The following FZD3 variants were observed in gnomAD, a reference collection of about 807,000 sequenced individuals.
FZD3 encodes the protein frizzled class receptor 3.
A neutral mutation model predicts 60.7 loss-of-function variants in FZD3; 30 were observed. The observed-to-expected ratio is 0.49, with a 90% CI of 0.37 to 0.67. The LOEUF (loss-of-function observed/expected upper bound fraction) is 0.67. Among genes scored for constraint, FZD3 ranks in the 30% least tolerant of loss-of-function variants. FZD3 has a pLI of 0.00. For synonymous variants in FZD3, 246 were observed against 275.2 expected, an observed-to-expected ratio of 0.89 and a Z score of 1.05; for missense variants, 605 against 838.7, an observed-to-expected ratio of 0.72 and a Z score of 3.44.
At position 28,557,306 on chromosome 8, in the gene FZD3, G is replaced by GTT. The variant is rs145794953; in HGVS notation, c.1787+1343_1787+1344dup. On this transcript the variant is annotated intron_variant, in intron 7 of 7. Coordinates refer to ENST00000240093, the MANE Select transcript of FZD3 (RefSeq NM_017412.4). The stretch of plus-strand genomic sequence containing the variant: ...GAATGTGCTAAATATTTTTTGGGGT[G>GTT]TTTTTTTTTAAGATTTCTTTTGGGA... 4.7e-3 allele frequency among the ~76,000 whole-genome samples: 707 copies of GTT among 150,708 alleles called. 26 individuals carry two copies. The East Asian group carries it at 0.093, about 20-fold the overall frequency.
Position 28,530,089 on chromosome 8 carries a change from CTGTGTGTGTGTGTGTGTGTGTG to C in FZD3, c.1404+1957_1404+1978del, listed in dbSNP as rs59022036. On this transcript the variant is annotated intron_variant, in intron 5 of 7. Transcript: ENST00000240093. ...CAGTTTGAGCTACACTGAAATATATCTGTGTGTGTGTGTGTGTGTGTGTGTGTGTGTGTGTGTGTGTGTGTGT... is the reference window on the plus strand; with the variant it reads ...CAGTTTGAGCTACACTGAAATATATCTGTGTGTGTGTGTGTGTGTGTGTGT... Among the ~76,000 whole-genome samples the C allele has an allele frequency of 2.4e-4, 33 of 138,592 alleles. 1 individual carries two copies. The highest frequency in any genetic ancestry group is 6.2e-4 in the African/African-American group (23 of 37,396). The allele number at this position is 138,592 out of a possible 152,430, so 90.9% of individuals were successfully genotyped here.
chr8:28,557,038 A>G (rs1217022324), intron 7 of FZD3, among the ~76,000 whole-genome samples: 1 of 152,076 alleles, frequency 6.6e-6, no homozygotes, highest in Non-Finnish European at 1.5e-5. Context: ...GACCTGAAAG[A>G]TATTTAGAAA....
chr8:28,559,545 A>C (rs538485991), intron 7 of FZD3, among the ~76,000 whole-genome samples: 1 of 152,304 alleles, frequency 6.6e-6, no homozygotes, highest in African/African-American at 2.4e-5. Flanking sequence ...TTTAGAAATA[A>C]TGTGGATGTT....
intron 7 of FZD3, among the ~76,000 whole-genome samples, chr8:28,557,520 T>C (rs1472756839): frequency 6.6e-6 from 1 of 152,236 alleles, no homozygotes; most frequent in African/African-American, 2.4e-5. Context: ...TGTTTTCTTT[T>C]ACCTTCTGTT....
Position 28,527,649 on chromosome 8 carries a change from A to T in FZD3, c.889A>T (p.Thr297Ser), listed in dbSNP as rs1195570527. ...TMLFMILYFFTMAGSVWWVIL... is the reference protein window; with the variant it reads ...TMLFMILYFFSMAGSVWWVIL... ...GCTTTTTATGATACTCTATTTTTTT[A>T]CTATGGCTGGCAGTGTATGGTGGGT... Residue 297 changes from threonine to serine, a missense_variant, in exon 5 of 8, where the codon ACT becomes TCT. Thr to Ser is a moderately conservative substitution (Grantham distance 58). Transcript: ENST00000240093. The surrounding 1 kb of genome is among the most constrained non-coding windows in gnomAD (Gnocchi z 5.0). 18 of 1,613,864 alleles carry T rather than the reference A, an allele frequency of 1.1e-5. No individual in the cohort carries two copies. The highest frequency in any genetic ancestry group is 1.5e-5 in the Non-Finnish European group (18 of 1,179,942).
At chr8:28,561,143 G>A (rs909559856) in intron 7 of FZD3, among the ~76,000 whole-genome samples, 5 of 151,960 alleles carry the variant, frequency 3.3e-5, no homozygotes, top group African/African-American at 1.2e-4. Flanking sequence ...TGCAACCTCC[G>A]CCTCCGACAT....
chr8:28,528,239 T>C lies in FZD3; in HGVS notation c.1404+75T>C, dbSNP rs1301685899. Reference sequence around the variant, plus strand: ...AGCATATTACTATAATGAGTTAATATCAGCTGTTTTTTGAAATGTCATGAA... The same window carrying C: ...AGCATATTACTATAATGAGTTAATACCAGCTGTTTTTTGAAATGTCATGAA... On this transcript the variant is annotated intron_variant, in intron 5 of 7. Transcript: ENST00000240093. 1.3e-5 allele frequency: 15 copies of C among 1,156,602 alleles called. No homozygotes were observed. In the East Asian group the frequency reaches 2.9e-4, roughly 22 times the overall value. The allele number at this position is 1,156,602 out of a possible 1,614,324, so 71.6% of individuals were successfully genotyped here. A position where few individuals can be genotyped will look rare whatever the true frequency, so the allele number is the denominator to read the frequency against.
At chr8:28,535,358 A>G (rs1804982967) in intron 5 of FZD3, among the ~76,000 whole-genome samples, 2 of 152,198 alleles carry the variant, frequency 1.3e-5, no homozygotes, top group Non-Finnish European at 2.9e-5. Flanking sequence ...TTATATCACT[A>G]TGGTACATCT....
At chr8:28,503,693 G>A (rs1379673608) in intron 3 of FZD3, among the ~76,000 whole-genome samples, 1 of 152,016 alleles carries the variant, frequency 6.6e-6, no homozygotes, top group African/African-American at 2.4e-5. Flanking sequence ...TTTAAATAAG[G>A]GTATATCTGT....
chr8:28,536,863 C>T (rs1381892503), intron 5 of FZD3, among the ~76,000 whole-genome samples: 1 of 152,172 alleles, frequency 6.6e-6, no homozygotes, highest in Non-Finnish European at 1.5e-5. Flanking sequence ...ATTTTAGCTT[C>T]ATTTTCTGAT....
intron 5 of FZD3, among the ~76,000 whole-genome samples, chr8:28,537,209 G>T (rs1434962237): frequency 6.6e-6 from 1 of 152,120 alleles, no homozygotes; most frequent in Non-Finnish European, 1.5e-5. Context: ...GACTATTATA[G>T]AAATTTATAG....
Position 28,571,740 on chromosome 8 carries a change from A to G in FZD3, c.*8729A>G, listed in dbSNP as rs1005696141. 1 of 152,146 alleles carries G rather than the reference A, an allele frequency of 6.6e-6. No individual in the cohort carries two copies. The highest frequency in any genetic ancestry group is 2.4e-5 in the African/African-American group (1 of 41,438). The allele number at this position is 152,146 out of a possible 1,614,324, so 9.4% of individuals were successfully genotyped here. A position where few individuals can be genotyped will look rare whatever the true frequency, so the allele number is the denominator to read the frequency against. ...ATATGAAGGAATGGCTGGTTTAGAC[A>G]TTTACTTTGGCATAGTAAAGATTGA... On this transcript the variant is annotated 3_prime_UTR_variant, in exon 8 of 8. Transcript: ENST00000240093.
intron 7 of FZD3, among the ~76,000 whole-genome samples, chr8:28,557,393 ATC>A (rs1805530948): frequency 6.6e-6 from 1 of 151,708 alleles, no homozygotes; most frequent in Non-Finnish European, 1.5e-5. Flanking sequence ...ACTTGAAAAC[ATC>A]TGTTTCCACA....
In FZD3 at chr8:28,544,342, A is replaced by G. The variant is rs79389042; in HGVS notation, c.1405-7261A>G. 8.2e-3 allele frequency among the ~76,000 whole-genome samples: 1,254 copies of G among 152,254 alleles called. 15 individuals carry two copies. The highest frequency in any genetic ancestry group is 0.03 in the South Asian group (147 of 4,826). On this transcript the variant is annotated intron_variant, in intron 5 of 7. Coordinates refer to ENST00000240093, the MANE Select transcript of FZD3 (RefSeq NM_017412.4). The stretch of plus-strand genomic sequence containing the variant: ...AGAAAGGATGTGTTTGTGTATGCAG[A>G]ATATAAGTCCTAGGTATTGATTCAT...
At position 28,565,329 on chromosome 8, in the gene FZD3, G is replaced by C. The variant is rs1485132326; in HGVS notation, c.*2318G>C. 6.6e-6 allele frequency: 1 copy of C among 152,100 alleles called. No individual in the cohort carries two copies. The allele number at this position is 152,100 out of a possible 1,614,324, so 9.4% of individuals were successfully genotyped here. Reference sequence around the variant, plus strand: ...TGAATTCCCTCATAACCGACAATTAGTAAACATTTTCTCTGAAAGCCAAAC... The same window carrying C: ...TGAATTCCCTCATAACCGACAATTACTAAACATTTTCTCTGAAAGCCAAAC... On this transcript the variant is annotated 3_prime_UTR_variant, in exon 8 of 8. Coordinates refer to ENST00000240093, the MANE Select transcript of FZD3 (RefSeq NM_017412.4).
intron 7 of FZD3, among the ~76,000 whole-genome samples, chr8:28,557,127 T>G (rs1805523010): frequency 6.6e-6 from 1 of 150,764 alleles, no homozygotes; most frequent in Non-Finnish European, 1.5e-5. Flanking sequence ...GAGAATCACT[T>G]GAAGCCAGGA....
At chr8:28,535,959 C>G (rs1805000117) in intron 5 of FZD3, among the ~76,000 whole-genome samples, 1 of 152,116 alleles carries the variant, frequency 6.6e-6, no homozygotes, top group South Asian at 2.1e-4. Flanking sequence ...ATCAGACAGG[C>G]TGGGTTTATG....
At chr8:28,537,511 TCA>T (rs1407247547) in intron 5 of FZD3, among the ~76,000 whole-genome samples, 6 of 34,640 alleles carry the variant, frequency 1.7e-4, no homozygotes, top group Non-Finnish European at 3.8e-4. Context: ...CTGCAGCTAC[TCA>T]GCTTTGCTGC....
In FZD3 at chr8:28,522,777, T is replaced by G. The variant is rs1430290960; in HGVS notation, c.386+1943T>G. ...GAAAAAGGGAACTTTCTTTTTTTTTTTTTTTTTTTTTGAGATGGAGTCTCG... is the reference window on the plus strand; with the variant it reads ...GAAAAAGGGAACTTTCTTTTTTTTTGTTTTTTTTTTTGAGATGGAGTCTCG... On this transcript the variant is annotated intron_variant, in intron 4 of 7. Transcript: ENST00000240093. Among the ~76,000 whole-genome samples the G allele has an allele frequency of 2.1e-5, 3 of 142,664 alleles. No individual in the cohort carries two copies. In the Admixed American group the frequency reaches 2.3e-4, roughly 11 times the overall value. The allele number at this position is 142,664 out of a possible 152,430, so 93.6% of individuals were successfully genotyped here. A position where few individuals can be genotyped will look rare whatever the true frequency, so the allele number is the denominator to read the frequency against.
Sources: gnomAD v4.1 joint callset for allele counts (sites outside exome capture counted in the v4.1 genomes callset) on GRCh38, gnomAD v4.1.1 for gene constraint, Gnocchi (gnomAD v3.1) non-coding constraint, MANE v1.5 for transcripts, NCBI Gene and HGNC (gene_info 2026-07-23, HGNC 2026-07-21) for gene names.